The following RHOA variants were observed in gnomAD, a reference collection of about 807,000 sequenced individuals.
RHOA encodes ras homolog family member A.
RHOA carries 3 observed loss-of-function variants against 17.5 expected under a neutral mutation model. That is an observed-to-expected ratio of 0.17 (90% confidence interval 0.08 to 0.44). The LOEUF (loss-of-function observed/expected upper bound fraction) is 0.44, where lower values mean the gene tolerates loss of function less well. RHOA is among the 20% of genes least tolerant of loss of function. The probability of loss-of-function intolerance (pLI) is 0.99; values close to 1 mark genes in which losing one functional copy is unlikely to be tolerated. For synonymous variants in RHOA, 98 were observed against 88.4 expected (o/e 1.11, Z -0.61); for missense variants, 56 against 242.3 (o/e 0.23, Z 5.10).
intron 3 of RHOA, among the ~76,000 whole-genome samples, chr3:49,364,209 G>A (rs993062681): frequency 1.3e-5 from 2 of 152,142 alleles, no homozygotes; most frequent in East Asian, 3.9e-4. Flanking sequence ...AAGATTGCCA[G>A]GCGCAGTGGT....
intron 2 of RHOA, among the ~76,000 whole-genome samples, chr3:49,371,549 G>A (rs549380191): frequency 6.6e-6 from 1 of 151,978 alleles, no homozygotes; most frequent in Non-Finnish European, 1.5e-5. Flanking sequence ...CCAAAGTGCT[G>A]GATTACAGGT....
chr3:49,411,042 T>TAC (rs1287893580), intron 1 of RHOA, among the ~76,000 whole-genome samples: 1 of 152,212 alleles, frequency 6.6e-6, no homozygotes, highest in African/African-American at 2.4e-5. Flanking sequence ...GTAACTAAGG[T>TAC]ACAGATATTT....
intron 2 of RHOA, chr3:49,373,213 A>T: frequency 5.3e-6 from 1 of 190,328 alleles, no homozygotes; most frequent in South Asian, 6.0e-5. Flanking sequence ...GCTTGGTGGC[A>T]GGCACCTGTA....
chr3:49,366,361 G>C (rs544128348), intron 3 of RHOA, among the ~76,000 whole-genome samples: 44 of 152,180 alleles, frequency 2.9e-4, no homozygotes, highest in Non-Finnish European at 6.2e-4. Flanking sequence ...CCAGCACTTT[G>C]GGAGGCCAAG....
intron 1 of RHOA, among the ~76,000 whole-genome samples, chr3:49,376,644 CAA>C (rs963176937): frequency 9.4e-4 from 41 of 43,838 alleles, no homozygotes; most frequent in African/African-American, 1.9e-3. Flanking sequence ...CTCCATCTCA[CAA>C]AAAAAAAAAA....
intron 1 of RHOA, among the ~76,000 whole-genome samples, chr3:49,392,757 C>T (rs947185719): frequency 1.3e-5 from 2 of 152,154 alleles, no homozygotes; most frequent in African/African-American, 4.8e-5. Flanking sequence ...ATATACAGCA[C>T]GTCCACCATC....
intron 1 of RHOA, among the ~76,000 whole-genome samples, chr3:49,386,721 A>G (rs995103671): frequency 6.6e-6 from 1 of 152,172 alleles, no homozygotes; most frequent in South Asian, 2.1e-4. Flanking sequence ...GCGATTAACT[A>G]GTTTGAATAT....
intron 1 of RHOA, among the ~76,000 whole-genome samples, chr3:49,391,460 C>T (rs928856436): frequency 3.3e-5 from 5 of 151,836 alleles, no homozygotes; most frequent in Admixed American, 1.3e-4. Context: ...GTGAACACAA[C>T]AGACAAAAAG....
chr3:49,386,144 A>C (rs1403650882), intron 1 of RHOA, among the ~76,000 whole-genome samples: 1 of 152,190 alleles, frequency 6.6e-6, no homozygotes, highest in Non-Finnish European at 1.5e-5. Flanking sequence ...AATTACACTG[A>C]ATCTACAGAT....
At chr3:49,394,375 G>C (rs866806218) in intron 1 of RHOA, among the ~76,000 whole-genome samples, 4 of 151,636 alleles carry the variant, frequency 2.6e-5, no homozygotes, top group Admixed American at 1.3e-4. Flanking sequence ...TTCTGAGATA[G>C]AGTCTCTCTC....
chr3:49,360,960 CT>C (rs1305561427), intron 4 of RHOA: 3 of 349,344 alleles, frequency 8.6e-6, no homozygotes, highest in Non-Finnish European at 1.7e-5. Context: ...GTAACCCCAG[CT>C]ACTCAGGAGG....
chr3:49,368,372 C>T, intron 3 of RHOA, 56 bp downstream of exon 3: 4 of 1,583,478 alleles, frequency 2.5e-6, no homozygotes, highest in Non-Finnish European at 2.6e-6. Context: ...GCCCAGAAAC[C>T]AGATGCCAAC....
intron 1 of RHOA, among the ~76,000 whole-genome samples, chr3:49,388,007 CTTT>C (rs772445967): frequency 1.4e-5 from 2 of 143,828 alleles, no homozygotes; most frequent in Non-Finnish European, 1.5e-5. Flanking sequence ...ATGGCTTTCT[CTTT>C]TTTTTTTTTT....
intron 1 of RHOA, among the ~76,000 whole-genome samples, chr3:49,391,685 A>G (rs1249181035): frequency 6.6e-6 from 1 of 151,688 alleles, no homozygotes; most frequent in African/African-American, 2.4e-5. Flanking sequence ...GTAATTTTGT[A>G]TTTTTAGTAG....
intron 4 of RHOA, 84 bp from the exon 5 acceptor site, chr3:49,360,466 GATT>G (rs2107826472): frequency 7.0e-7 from 1 of 1,427,000 alleles, no homozygotes; most frequent in South Asian, 1.4e-5. Flanking sequence ...TCATCTAAAA[GATT>G]TTTTTTTCTT....
intron 1 of RHOA, among the ~76,000 whole-genome samples, chr3:49,386,311 T>C (rs1227835166): frequency 6.6e-6 from 1 of 152,134 alleles, no homozygotes; most frequent in Non-Finnish European, 1.5e-5. Flanking sequence ...TCAAACTAAA[T>C]GTAGGGAAGC....
intron 4 of RHOA, among the ~76,000 whole-genome samples, chr3:49,362,016 C>T (rs2047980093): frequency 6.6e-6 from 1 of 151,522 alleles, no homozygotes; most frequent in African/African-American, 2.4e-5. Context: ...GGTGAAACCC[C>T]ATCTATTAAA....
At chr3:49,410,984 C>T (rs1210959398) in intron 1 of RHOA, among the ~76,000 whole-genome samples, 1 of 152,172 alleles carries the variant, frequency 6.6e-6, no homozygotes, top group Non-Finnish European at 1.5e-5. Context: ...AACTTGGATG[C>T]GAATAGCGCT....
chr3:49,408,106 C>T (rs1451895968), intron 1 of RHOA, among the ~76,000 whole-genome samples: 1 of 151,646 alleles, frequency 6.6e-6, no homozygotes, highest in Non-Finnish European at 1.5e-5. Flanking sequence ...TTGCAGTGAG[C>T]CGAGATGGCG....
Sources: allele counts gnomAD v4.1 joint callset (sites outside exome capture counted in the v4.1 genomes callset), GRCh38; gene constraint gnomAD v4.1.1; transcripts MANE v1.5; gene names NCBI Gene and HGNC (gene_info 2026-07-23, HGNC 2026-07-21).